EFCAB6: variants seen among roughly 807,000 people sequenced by gnomAD.
EFCAB6 encodes the protein EF-hand calcium-binding domain-containing protein 6.
EFCAB6 carries 156 observed loss-of-function variants against 169.8 expected under a neutral mutation model. That is an observed-to-expected ratio of 0.92 (90% CI 0.81 to 1.05). The LOEUF is 1.05. Ranked by LOEUF, EFCAB6 falls within the 50% of genes least tolerant of loss-of-function variation. EFCAB6 has a pLI of 0.00. For synonymous variants in EFCAB6, 698 were observed against 676.4 expected, an observed-to-expected ratio of 1.03 and a Z score of -0.50; for missense variants, 1,800 against 1,829.1, an observed-to-expected ratio of 0.98 and a Z score of 0.29.
At chr22:43,798,829 T>C (rs1217409279) in intron 2 of EFCAB6, among the ~76,000 whole-genome samples, 1 of 152,230 alleles carries the variant, frequency 6.6e-6, no homozygotes, top group South Asian at 2.1e-4. Context: ...ATGTCAATTT[T>C]ACTTGGAGAA....
At chr22:43,597,905 A>G (rs914079947) in intron 23 of EFCAB6, among the ~76,000 whole-genome samples, 3 of 152,210 alleles carry the variant, frequency 2.0e-5, no homozygotes, top group Non-Finnish European at 2.9e-5. Context: ...AAAAAAGAAG[A>G]AAATCGTCAT....
intron 11 of EFCAB6, among the ~76,000 whole-genome samples, chr22:43,684,908 A>G (rs538607806): frequency 6.6e-6 from 1 of 152,216 alleles, no homozygotes; most frequent in Non-Finnish European, 1.5e-5. Flanking sequence ...CCACTAGATC[A>G]GTGCAGGTTT....
Position 43,686,776 on chromosome 22 carries a change from G to A in EFCAB6, c.1142+695C>T, listed in dbSNP as rs142719734. ...GTAGAGCACAGCACTTTCAATGAAC[G>A]TGCCAAGATTATAAAGCCTGTTTTT... On this transcript the variant is annotated intron_variant, in intron 11 of 31. Coordinates refer to ENST00000262726, the MANE Select transcript of EFCAB6 (RefSeq NM_022785.4). 2.8e-3 allele frequency among the ~76,000 whole-genome samples: 433 copies of A among 152,194 alleles called. 1 individual carries two copies. Among genetic ancestry groups the A allele is most frequent in the African/African-American group, 0.01 (420 of 41,520 alleles).
At chr22:43,646,979 G>A (rs1445233497) in intron 17 of EFCAB6, among the ~76,000 whole-genome samples, 1 of 152,178 alleles carries the variant, frequency 6.6e-6, no homozygotes, top group Non-Finnish European at 1.5e-5. Flanking sequence ...GCAAGAAATT[G>A]TAATAATTTC....
intron 26 of EFCAB6, among the ~76,000 whole-genome samples, chr22:43,563,807 A>T (rs890961989): frequency 3.3e-5 from 5 of 152,180 alleles, no homozygotes; most frequent in Non-Finnish European, 5.9e-5. Context: ...CTGCAGCTCA[A>T]ACCACCCAGC....
intron 9 of EFCAB6, 92 bp downstream of exon 9, chr22:43,716,756 T>C: frequency 6.9e-7 from 1 of 1,446,772 alleles, no homozygotes. Flanking sequence ...GAAACAAATT[T>C]TAGAAATAAT....
At position 43,632,208 on chromosome 22, in the gene EFCAB6, G is replaced by T. The variant is rs200357356; in HGVS notation, c.2129C>A (p.Pro710Gln). 4.3e-6 allele frequency: 7 copies of T among 1,614,090 alleles called. No individual in the cohort carries two copies. In the South Asian group the frequency reaches 7.7e-5, roughly 18 times the overall value. The change falls in exon 19 of 32, where the codon CCG (proline) becomes CAG (glutamine). Residue 710 changes from proline (P) to glutamine (Q), a missense_variant. Physicochemically the swap from Pro to Gln is moderately conservative, Grantham distance 76. Transcript: ENST00000262726. ...DPPMRGPETT[P>Q]PQPPTPSKSY... ...TTTTGAAGGAGTTGGAGGCTGCGGC[G>T]GAGTGGTTTCCGGCCCTCTCATTGG...
At chr22:43,575,497 C>T (rs781471647) in intron 26 of EFCAB6, among the ~76,000 whole-genome samples, 5 of 151,584 alleles carry the variant, frequency 3.3e-5, no homozygotes, top group Non-Finnish European at 5.9e-5. Flanking sequence ...CATGAACCAC[C>T]GACTTTTTAT....
chr22:43,608,060 A>G (rs2053041471), intron 22 of EFCAB6, among the ~76,000 whole-genome samples: 1 of 152,228 alleles, frequency 6.6e-6, no homozygotes, highest in Admixed American at 6.5e-5. Flanking sequence ...ACAGTTGTGC[A>G]GCATTAATTT....
At chr22:43,534,606 G>T in intron 30 of EFCAB6, 82 bp downstream of exon 30, 1 of 1,331,330 alleles carries the variant, frequency 7.5e-7, no homozygotes, top group Non-Finnish European at 1.0e-6. Context: ...GGGCAATAGA[G>T]TAAGACCCTG....
chr22:43,635,169 C>T lies in EFCAB6; in HGVS notation c.2031G>A (p.Leu677=). 6.2e-7 allele frequency: 1 copy of T among 1,614,112 alleles called. No homozygotes were observed. Among genetic ancestry groups the T allele is most frequent in the Non-Finnish European group, 8.5e-7 (1 of 1,180,016 alleles). ...TCTCGAAGCCTATTTTAGTGGTCAG[C>T]AGGGCATACTGATCATCGTCCATGG... ...GMPMDDDQYA[L]LTTKIGFEKE... is the part of the protein sequence containing the mutation. The change falls in exon 18 of 32, where the codon CTG becomes CTA. Residue 677 remains leucine (L), a synonymous_variant. Coordinates refer to ENST00000262726, the MANE Select transcript of EFCAB6 (RefSeq NM_022785.4).
chr22:43,690,003 T>C (rs549459322), intron 10 of EFCAB6, among the ~76,000 whole-genome samples: 3 of 152,166 alleles, frequency 2.0e-5, no homozygotes, highest in African/African-American at 7.2e-5. Context: ...CAAAATTAAG[T>C]AGCTGTAAGA....
At chr22:43,743,887 AGTGGATGGATGGATGGGTGGGTGG>A (rs945892953) in intron 6 of EFCAB6, among the ~76,000 whole-genome samples, 6 of 149,494 alleles carry the variant, frequency 4.0e-5, no homozygotes, top group African/African-American at 1.5e-4. Flanking sequence ...TGGGTGGGTG[AGTGGATGGATGGATGGGTGGGTGG>A]GTGGATGAAT....
chr22:43,561,524 C>T (rs889705596), intron 26 of EFCAB6, among the ~76,000 whole-genome samples: 2 of 152,028 alleles, frequency 1.3e-5, no homozygotes, highest in African/African-American at 2.4e-5. Context: ...TGGATGCTGC[C>T]GCCCAGAGAA....
At chr22:43,594,588 C>T (rs1244130288) in intron 23 of EFCAB6, among the ~76,000 whole-genome samples, 1 of 152,122 alleles carries the variant, frequency 6.6e-6, no homozygotes, top group Admixed American at 6.6e-5. Context: ...CAGGATATAA[C>T]AATAGTAAAC....
chr22:43,661,866 C>T (rs1268220583), intron 17 of EFCAB6, among the ~76,000 whole-genome samples: 1 of 152,172 alleles, frequency 6.6e-6, no homozygotes, highest in African/African-American at 2.4e-5. Flanking sequence ...CCTGTAATCC[C>T]AGCACTCTGG....
intron 27 of EFCAB6, among the ~76,000 whole-genome samples, chr22:43,551,680 G>A (rs768613787): frequency 6.6e-6 from 1 of 151,996 alleles, no homozygotes; most frequent in Non-Finnish European, 1.5e-5. Context: ...ACCTCAACAG[G>A]CCCCAGTGTG....
Position 43,687,567 on chromosome 22 carries a change from G to T in EFCAB6, c.1046C>A (p.Ala349Asp). 6.3e-7 allele frequency: 1 copy of T among 1,595,300 alleles called. No homozygotes were observed. Among genetic ancestry groups the T allele is most frequent in the South Asian group, 1.2e-5 (1 of 86,086 alleles). Residue 349 changes from alanine to aspartate, a missense_variant, in exon 11 of 32, where the codon GCC (alanine) becomes GAC (aspartate). Physicochemically the swap from Ala to Asp is moderately radical, Grantham distance 126 (BLOSUM62 -2). Coordinates refer to ENST00000262726, the MANE Select transcript of EFCAB6 (RefSeq NM_022785.4). The stretch of plus-strand genomic sequence containing the variant: ...TTGCTTCCAATTGATTTTAGTGGTG[G>T]CTTTAAGTCCAAATCTGGATTTAAA... ...IQLMKRFGLK[A>D]TTKINWKQFL...
chr22:43,599,960 C>T, intron 23 of EFCAB6, 109 bp downstream of exon 23: 2 of 1,212,410 alleles, frequency 1.6e-6, no homozygotes, highest in African/African-American at 1.5e-5. Flanking sequence ...GATCATTTCC[C>T]TGTAACTTTG....
Sources: allele counts gnomAD v4.1 joint callset (sites outside exome capture counted in the v4.1 genomes callset), GRCh38; gene constraint gnomAD v4.1.1; transcripts MANE v1.5; gene names NCBI Gene and HGNC (gene_info 2026-07-23, HGNC 2026-07-21).